ZNF462: variants seen among roughly 807,000 people sequenced by gnomAD.
ZNF462 encodes the protein zinc finger PBX1-interacting protein.
A neutral mutation model predicts 201.9 loss-of-function variants in ZNF462; 10 were observed. The ratio of observed to expected loss-of-function variants is 0.05; its 90% CI spans 0.03 to 0.08. The LOEUF is 0.08. ZNF462 is among the 10% of genes least tolerant of loss of function. ZNF462 has a pLI of 1.00. For missense variants in ZNF462, 2,523 were observed against 3,168.3 expected, an observed-to-expected ratio of 0.80 and a Z score of 4.89; for synonymous variants, 1,227 against 1,193.3, an observed-to-expected ratio of 1.03 and a Z score of -0.58.
At chr9:106,991,494 C>G (rs1026830470) in intron 10 of ZNF462, among the ~76,000 whole-genome samples, 3 of 151,880 alleles carry the variant, frequency 2.0e-5, no homozygotes, top group Non-Finnish European at 2.9e-5. Context: ...AACATAATCT[C>G]TATCAAAATC....
rs762684290 is a variant in ZNF462 at position 106,927,424 on chromosome 9, C to T, written c.3512C>T (p.Ala1171Val). Residue 1171 changes from alanine (A) to valine (V), a missense_variant, in exon 3 of 13, where the codon GCC becomes GTC. Ala to Val is a moderately conservative substitution (Grantham distance 64, BLOSUM62 0). Transcript: ENST00000277225. ...CCCCAAGGCTCCCCCCGGCCACCCG[C>T]CCCCATACAACAGCTGAACCGAAGC... ...EGPQGSPRPP[A>V]PIQQLNRSSS... 15 of 1,613,900 alleles carry T rather than the reference C, an allele frequency of 9.3e-6. No homozygotes were observed. Among genetic ancestry groups the T allele is most frequent in the African/African-American group, 1.3e-5 (1 of 74,878 alleles).
Position 106,929,562 on chromosome 9 carries a change from G to C in ZNF462, c.5650G>C (p.Gly1884Arg). ...GAGGGACTTCATCATTCTGGGCAAC[G>C]GCCCCCGCTTGCAGAACTCCACCTA... ...LKRDFIILGN[G>R]PRLQNSTYQC... The change falls in exon 3 of 13, where the codon GGC becomes CGC. Residue 1884 changes from glycine (G) to arginine (R), a missense_variant. Physicochemically the swap from Gly to Arg is moderately radical, Grantham distance 125 (BLOSUM62 -2). Coordinates refer to ENST00000277225, the MANE Select transcript of ZNF462 (RefSeq NM_021224.6). The surrounding 1 kb of genome is among the most constrained non-coding windows in gnomAD (Gnocchi z 8.7). 6.2e-7 allele frequency: 1 copy of C among 1,614,158 alleles called. No individual in the cohort carries two copies. The highest frequency in any genetic ancestry group is 8.5e-7 in the Non-Finnish European group (1 of 1,180,036).
Position 106,968,212 on chromosome 9 carries a change from C to T in ZNF462, c.6428-3793C>T, listed in dbSNP as rs973855588. On this transcript the variant is annotated intron_variant, in intron 7 of 12. Transcript: ENST00000277225. The surrounding 1 kb of genome is among the most constrained non-coding windows in gnomAD (Gnocchi z 4.0). ...TCTGCTTCTTCGTGTCTATGTGACC[C>T]GTCATCCTCAGCTTCAGCTACCTCA... is the stretch of plus-strand genomic sequence containing the variant. Among the ~76,000 whole-genome samples, 3 of 152,106 alleles carry T rather than the reference C, an allele frequency of 2.0e-5. No homozygotes were observed. Among genetic ancestry groups the T allele is most frequent in the African/African-American group, 7.2e-5 (3 of 41,426 alleles).
In ZNF462 at chr9:106,963,048, C is replaced by T. The variant is rs115410347; in HGVS notation, c.6428-8957C>T. On this transcript the variant is annotated intron_variant, in intron 7 of 12. Coordinates refer to ENST00000277225, the MANE Select transcript of ZNF462 (RefSeq NM_021224.6). This position sits in a 1 kb window ranked among gnomAD's most constrained non-coding sequence, Gnocchi z 4.7. The stretch of plus-strand genomic sequence containing the variant: ...TGGTTTGTATTCTAAAGCTTAGTTT[C>T]GAATATAATTTTCTTTTGGAATAGC... Among the ~76,000 whole-genome samples, 3,342 of 152,036 alleles carry T rather than the reference C, an allele frequency of 0.022. 136 individuals carry two copies. The highest frequency in any genetic ancestry group is 0.075 in the African/African-American group (3,117 of 41,490).
At chr9:106,989,872 T>C (rs1465189007) in intron 10 of ZNF462, among the ~76,000 whole-genome samples, 7 of 152,126 alleles carry the variant, frequency 4.6e-5, no homozygotes, top group African/African-American at 1.7e-4. Context: ...ATTTCTGTGG[T>C]GTCAGTTGTA....
In ZNF462 at chr9:106,902,798, T is replaced by TTTGGA. The variant is rs750151256; in HGVS notation, c.-30-20553_-30-20549dup. Among the ~76,000 whole-genome samples the TTTGGA allele has an allele frequency of 1.1e-4, 17 of 152,174 alleles. No homozygotes were observed. Among genetic ancestry groups the TTTGGA allele is most frequent in the East Asian group, 3.8e-4 (2 of 5,200 alleles). On this transcript the variant is annotated intron_variant, in intron 1 of 12. Transcript: ENST00000277225. This position sits in a 1 kb window ranked among gnomAD's most constrained non-coding sequence, Gnocchi z 4.2. ...CCTGTTTTGTTTCTTAGTGAGGTTA[T>TTTGGA]TTGGATTTTCTCTCTTCTTTTCTTG...
At chr9:106,901,825 T>A (rs969932021) in intron 1 of ZNF462, among the ~76,000 whole-genome samples, 2 of 152,148 alleles carry the variant, frequency 1.3e-5, no homozygotes, top group African/African-American at 4.8e-5. Context: ...GAGGAGTTCT[T>A]AGGGTTTTCA....
At chr9:106,941,254 A>G (rs1249332524) in intron 7 of ZNF462, among the ~76,000 whole-genome samples, 2 of 152,194 alleles carry the variant, frequency 1.3e-5, no homozygotes, top group African/African-American at 4.8e-5. Flanking sequence ...AGAAATGAGT[A>G]TAGTATTTTT....
At position 106,933,999 on chromosome 9, in the gene ZNF462, A is replaced by T. The variant is rs1830526358; in HGVS notation, c.6116+1450A>T. ...TTTGGAGTTTTAAATGCCAGGAAAT[A>T]GTATTTCATAATTTAAATTGCTGGT... is the stretch of plus-strand genomic sequence containing the variant. On this transcript the variant is annotated intron_variant, in intron 5 of 12. Coordinates refer to ENST00000277225, the MANE Select transcript of ZNF462 (RefSeq NM_021224.6). The surrounding 1 kb of genome is among the most constrained non-coding windows in gnomAD (Gnocchi z 4.3). 1.3e-5 allele frequency among the ~76,000 whole-genome samples: 2 copies of T among 152,218 alleles called. No individual in the cohort carries two copies. Among genetic ancestry groups the T allele is most frequent in the African/African-American group, 4.8e-5 (2 of 41,452 alleles).
Position 107,009,663 on chromosome 9 carries a change from C to T in ZNF462, c.7308C>T (p.His2436=), listed in dbSNP as rs377629764. The T allele has an allele frequency of 9.3e-5, 136 of 1,466,822 alleles. No homozygotes were observed. Among genetic ancestry groups the T allele is most frequent in the Middle Eastern group, 8.2e-4 (4 of 4,850 alleles). 90.9% of individuals were successfully genotyped at this position (1,466,822 alleles called of 1,614,324 possible). Residue 2436 remains histidine, a synonymous_variant, in exon 12 of 13, where the codon CAC becomes CAT. Coordinates refer to ENST00000277225, the MANE Select transcript of ZNF462 (RefSeq NM_021224.6). This position sits in a 1 kb window ranked among gnomAD's most constrained non-coding sequence, Gnocchi z 6.1. ...GSEWERHVLR[H]GMALNDTKQV... ...AGTGGGAAAGACATGTGCTGAGACA[C>T]GGCATGTAAGTTGGGCCACTTCAAG...
rs1258120858 is a variant in ZNF462, at chr9:106,984,396, G to A, written c.7043G>A (p.Arg2348Gln). The change falls in exon 10 of 13, where the codon CGG becomes CAG. Residue 2348 changes from arginine (R) to glutamine (Q), a missense_variant. Coordinates refer to ENST00000277225, the MANE Select transcript of ZNF462 (RefSeq NM_021224.6). This position sits in a 1 kb window ranked among gnomAD's most constrained non-coding sequence, Gnocchi z 6.4. Reference sequence around the variant, plus strand: ...ACGGAGGAACTGGACAGCCACCTTCGGGATGAGCATAAGGTACTTACCAGG... The same window carrying A: ...ACGGAGGAACTGGACAGCCACCTTCAGGATGAGCATAAGGTACTTACCAGG... ...KHTEELDSHLRDEHKVSRNFE... is the reference protein window; with the variant it reads ...KHTEELDSHLQDEHKVSRNFE... The A allele has an allele frequency of 3.1e-6, 5 of 1,613,050 alleles. No homozygotes were observed. The highest frequency in any genetic ancestry group is 1.3e-5 in the African/African-American group (1 of 74,974).
intron 1 of ZNF462, among the ~76,000 whole-genome samples, 192 bp downstream of exon 1, chr9:106,863,547 G>A (rs889501595): frequency 2.0e-5 from 3 of 150,960 alleles, no homozygotes; most frequent in Non-Finnish European, 4.4e-5. Context: ...AGGAGGAGGG[G>A]GAGGAGGGAG....
At position 106,927,771 on chromosome 9, in the gene ZNF462, G is replaced by C; in HGVS notation, c.3859G>C (p.Asp1287His). ...TGCACTGAGGAAGCATATCAAGAAAGACCACCCCGCCCTGAAAGCCACAGT... is the reference window on the plus strand; with the variant it reads ...TGCACTGAGGAAGCATATCAAGAAACACCACCCCGCCCTGAAAGCCACAGT... ...FYALRKHIKK[D>H]HPALKATVTS... Residue 1287 changes from aspartate to histidine, a missense_variant, in exon 3 of 13, where the codon GAC (aspartate) becomes CAC (histidine). Asp to His is a moderately conservative substitution (Grantham distance 81). This residue lies in a region of ZNF462 where 222 missense variants were observed against 271.6 expected (regional missense o/e 0.82). Coordinates refer to ENST00000277225, the MANE Select transcript of ZNF462 (RefSeq NM_021224.6). The C allele has an allele frequency of 6.2e-7, 1 of 1,614,062 alleles. No homozygotes were observed. The highest frequency in any genetic ancestry group is 8.5e-7 in the Non-Finnish European group (1 of 1,180,032).
rs1829838197 is a variant in ZNF462, at chr9:106,917,850, ATT to A, written c.-30-5502_-30-5501del. 1.6e-5 allele frequency among the ~76,000 whole-genome samples: 2 copies of A among 124,792 alleles called. No individual in the cohort carries two copies. The highest frequency in any genetic ancestry group is 8.1e-5 in the African/African-American group (2 of 24,748). 81.9% of individuals were successfully genotyped at this position (124,792 alleles called of 152,430 possible). ...TTTTGCTGGTTTATTATTTTTTTAT[ATT>A]TATTTATTTATTTATTTATTTATTT... On this transcript the variant is annotated intron_variant, in intron 1 of 12. Transcript: ENST00000277225. This position sits in a 1 kb window ranked among gnomAD's most constrained non-coding sequence, Gnocchi z 4.5.
intron 1 of ZNF462, among the ~76,000 whole-genome samples, chr9:106,888,179 C>T (rs1261641322): frequency 1.3e-5 from 2 of 152,066 alleles, no homozygotes; most frequent in South Asian, 2.1e-4. Flanking sequence ...GTAGCTGGGA[C>T]TACAGGCGCC....
At chr9:106,951,798 G>A (rs1177394397) in intron 7 of ZNF462, among the ~76,000 whole-genome samples, 1 of 151,916 alleles carries the variant, frequency 6.6e-6, no homozygotes, top group East Asian at 1.9e-4. Flanking sequence ...CTCACCCTGG[G>A]GAAGCATCCA....
At chr9:106,915,609 T>A (rs1031970938) in intron 1 of ZNF462, among the ~76,000 whole-genome samples, 2 of 152,214 alleles carry the variant, frequency 1.3e-5, no homozygotes, top group Non-Finnish European at 2.9e-5. Context: ...GAAACTAATG[T>A]ATCTGAATGG....
chr9:106,969,757 G>A (rs1826494519), intron 7 of ZNF462, among the ~76,000 whole-genome samples: 1 of 152,198 alleles, frequency 6.6e-6, no homozygotes, highest in Non-Finnish European at 1.5e-5. Flanking sequence ...TGGTCTCTGG[G>A]TGGATTGTGG....
intron 7 of ZNF462, among the ~76,000 whole-genome samples, chr9:106,964,740 A>C (rs1831994389): frequency 6.6e-6 from 1 of 152,112 alleles, no homozygotes; most frequent in African/African-American, 2.4e-5. Flanking sequence ...TCATAGAAAT[A>C]ACACTTTTAT....
Sources: gnomAD v4.1 joint callset for allele counts (sites outside exome capture counted in the v4.1 genomes callset) on GRCh38, gnomAD v4.1.1 for gene constraint, gnomAD v4.1.1 regional missense constraint, Gnocchi (gnomAD v3.1) non-coding constraint, MANE v1.5 for transcripts, NCBI Gene and HGNC (gene_info 2026-07-23, HGNC 2026-07-21) for gene names.